IMMP2L: variants seen among roughly 807,000 people sequenced by gnomAD.
The protein encoded by IMMP2L is inner mitochondrial membrane peptidase subunit 2.
A neutral mutation model predicts 19.3 loss-of-function variants in IMMP2L; 18 were observed. That is an observed-to-expected ratio of 0.93 (90% confidence interval 0.64 to 1.38). IMMP2L has a LOEUF of 1.38. IMMP2L is among the 40% of genes most tolerant of loss of function. IMMP2L has a pLI of 0.00. For synonymous variants in IMMP2L, 76 were observed against 73.0 expected (o/e 1.04, Z -0.21); for missense variants, 233 against 218.2 (o/e 1.07, Z -0.43).
intron 3 of IMMP2L, among the ~76,000 whole-genome samples, chr7:111,118,677 T>C (rs1471514810): frequency 1.3e-5 from 2 of 152,088 alleles, no homozygotes; most frequent in Admixed American, 6.6e-5. Context: ...ATACTATTAT[T>C]ACTTACTTAT....
At chr7:111,210,497 C>A (rs998573467) in intron 3 of IMMP2L, among the ~76,000 whole-genome samples, 1 of 152,102 alleles carries the variant, frequency 6.6e-6, no homozygotes, top group Non-Finnish European at 1.5e-5. Flanking sequence ...GGACTACCTG[C>A]ACTTATTTTA....
At chr7:111,482,958 A>T (rs917834976) in intron 3 of IMMP2L, among the ~76,000 whole-genome samples, 1 of 152,312 alleles carries the variant, frequency 6.6e-6, no homozygotes, top group African/African-American at 2.4e-5. Context: ...AAAGAGACAT[A>T]AAAAATAAAA....
At position 110,688,607 on chromosome 7, in the gene IMMP2L, C is replaced by G. The variant is rs180754798; in HGVS notation, c.409-24886G>C. Among the ~76,000 whole-genome samples, 78 of 151,818 alleles carry G rather than the reference C, an allele frequency of 5.1e-4. 1 individual carries two copies. In the East Asian group the frequency reaches 0.013, roughly 25 times the overall value. ...AACATAAGTTAAAAAAAAACTAGGA[C>G]AAGTTTGCAAAAATGTATTCTGGCA... On this transcript the variant is annotated intron_variant, in intron 5 of 5. Transcript: ENST00000405709.
chr7:110,957,777 A>C (rs1355579069), intron 4 of IMMP2L, among the ~76,000 whole-genome samples: 1 of 151,936 alleles, frequency 6.6e-6, no homozygotes, highest in African/African-American at 2.4e-5. Context: ...GTCTTCCTTA[A>C]TTCATGAGTC....
intron 3 of IMMP2L, among the ~76,000 whole-genome samples, chr7:111,460,199 A>G (rs1840018437): frequency 6.6e-6 from 1 of 152,162 alleles, no homozygotes; most frequent in African/African-American, 2.4e-5. Flanking sequence ...GAAATGCAAT[A>G]AACAAACTAA....
chr7:110,928,145 A>T (rs932394120), intron 4 of IMMP2L, among the ~76,000 whole-genome samples: 7 of 152,180 alleles, frequency 4.6e-5, no homozygotes, highest in East Asian at 3.9e-4. Context: ...TATTAAAAAC[A>T]CAACAAACCC....
chr7:111,475,805 T>C lies in IMMP2L; in HGVS notation c.239+11433A>G, dbSNP rs146746667. Among the ~76,000 whole-genome samples, 745 of 152,272 alleles carry C rather than the reference T, an allele frequency of 4.9e-3. 8 individuals are homozygous for C. Among genetic ancestry groups the C allele is most frequent in the African/African-American group, 0.017 (721 of 41,560 alleles). ...TACCTGCCAACATTTATGTTTGCAATTTTCAATAATTGCAACTACAGACAT... is the reference window on the plus strand; with the variant it reads ...TACCTGCCAACATTTATGTTTGCAACTTTCAATAATTGCAACTACAGACAT... On this transcript the variant is annotated intron_variant, in intron 3 of 5. Coordinates refer to ENST00000405709, the MANE Select transcript of IMMP2L (RefSeq NM_032549.4).
intron 2 of IMMP2L, among the ~76,000 whole-genome samples, chr7:111,516,708 G>A (rs1353326462): frequency 6.6e-6 from 1 of 152,084 alleles, no homozygotes; most frequent in Non-Finnish European, 1.5e-5. Flanking sequence ...CTCTATTAAT[G>A]ACAGGTTACA....
intron 3 of IMMP2L, among the ~76,000 whole-genome samples, chr7:111,312,967 G>A (rs1409526972): frequency 6.6e-6 from 1 of 152,032 alleles, no homozygotes; most frequent in Non-Finnish European, 1.5e-5. Flanking sequence ...ATACTTGAAG[G>A]CACAAAACAA....
Position 111,311,442 on chromosome 7 carries a change from C to G in IMMP2L, c.239+175796G>C, listed in dbSNP as rs1005431801. ...TCCCCTCCCTGCCAAGGATTAGTGT[C>G]AAGTAAGAGCCATGTATGGTAATCC... On this transcript the variant is annotated intron_variant, in intron 3 of 5. Coordinates refer to ENST00000405709, the MANE Select transcript of IMMP2L (RefSeq NM_032549.4). Among the ~76,000 whole-genome samples the G allele has an allele frequency of 5.3e-5, 8 of 152,186 alleles. 1 individual carries two copies. Among genetic ancestry groups the G allele is most frequent in the Middle Eastern group, 3.4e-3 (1 of 294 alleles).
At chr7:111,017,241 T>C (rs1313975533) in intron 3 of IMMP2L, among the ~76,000 whole-genome samples, 1 of 151,364 alleles carries the variant, frequency 6.6e-6, no homozygotes, top group East Asian at 2.0e-4. Context: ...CTCGTATTGT[T>C]TTTTTAGAAA....
chr7:110,859,005 CTGGATCAATCATTTTGGTT>C, intron 5 of IMMP2L, among the ~76,000 whole-genome samples: 2 of 152,192 alleles, frequency 1.3e-5, no homozygotes, highest in Middle Eastern at 6.8e-3. Flanking sequence ...TCTGAAATTA[CTGGATCAATCATTTTGGTT>C]TGTAGATAAC....
At chr7:111,023,043 T>C (rs1235290517) in intron 3 of IMMP2L, among the ~76,000 whole-genome samples, 1 of 152,152 alleles carries the variant, frequency 6.6e-6, no homozygotes, top group Non-Finnish European at 1.5e-5. Flanking sequence ...TCATACATAA[T>C]GTAGCAGTAA....
chr7:111,197,708 A>G (rs967824665), intron 3 of IMMP2L, among the ~76,000 whole-genome samples: 85 of 152,186 alleles, frequency 5.6e-4, no homozygotes, highest in African/African-American at 1.8e-3. Context: ...ACTACTATAC[A>G]ATGCGATAGC....
chr7:111,313,131 G>C (rs1398114598), intron 3 of IMMP2L, among the ~76,000 whole-genome samples: 3 of 152,106 alleles, frequency 2.0e-5, no homozygotes, highest in Admixed American at 2.0e-4. Flanking sequence ...AGCAGCAGGA[G>C]TACTGCTACT....
chr7:111,449,816 G>C (rs1439035572), intron 3 of IMMP2L, among the ~76,000 whole-genome samples: 1 of 106,038 alleles, frequency 9.4e-6, no homozygotes, highest in African/African-American at 5.2e-5. Context: ...AAACCCCATC[G>C]TCTCAGCCCA....
At chr7:111,348,162 T>A (rs1010095236) in intron 3 of IMMP2L, among the ~76,000 whole-genome samples, 4 of 134,400 alleles carry the variant, frequency 3.0e-5, no homozygotes, top group Non-Finnish European at 6.4e-5. Flanking sequence ...GGGGGAGGGA[T>A]AGCATTAGGA....
chr7:111,501,394 A>G (rs1430747841), intron 2 of IMMP2L, among the ~76,000 whole-genome samples: 2 of 152,258 alleles, frequency 1.3e-5, no homozygotes, highest in East Asian at 3.9e-4. Flanking sequence ...CTTGGAAAAC[A>G]CTCTGCAGGA....
chr7:110,967,366 T>A (rs58932250), intron 3 of IMMP2L, among the ~76,000 whole-genome samples: 2 of 151,916 alleles, frequency 1.3e-5, no homozygotes, highest in African/African-American at 4.8e-5. Flanking sequence ...ATGGAGAGAT[T>A]AGCATATGTC....
Sources: allele counts gnomAD v4.1 joint callset (sites outside exome capture counted in the v4.1 genomes callset), GRCh38; gene constraint gnomAD v4.1.1; transcripts MANE v1.5; gene names NCBI Gene and HGNC (gene_info 2026-07-23, HGNC 2026-07-21).